Variants in ERC2 observed in about 807,000 individuals in gnomAD.
The protein encoded by ERC2 is ELKS/RAB6-interacting/CAST family member 2.
ERC2 carries 42 observed loss-of-function variants against 114.8 expected under a neutral mutation model. The observed-to-expected ratio is 0.37, with a 90% confidence interval of 0.29 to 0.47. The LOEUF (loss-of-function observed/expected upper bound fraction) is 0.47, where lower values mean the gene tolerates loss of function less well. ERC2 is among the 20% of genes least tolerant of loss of function. The pLI, the probability that ERC2 is intolerant of heterozygous loss-of-function variation, is 0.99. For missense variants in ERC2, 939 were observed against 1,150.7 expected (o/e 0.82, Z 2.66); for synonymous variants, 454 against 425.5 (o/e 1.07, Z -0.82).
intron 16 of ERC2, among the ~76,000 whole-genome samples, chr3:55,687,227 G>A (rs1031975733): frequency 2.6e-5 from 4 of 152,060 alleles, no homozygotes; most frequent in African/African-American, 9.7e-5. Flanking sequence ...TTGTTGTTGT[G>A]GGGGGGCATT....
chr3:55,574,079 T>C (rs1156611652), intron 17 of ERC2, among the ~76,000 whole-genome samples: 2 of 152,212 alleles, frequency 1.3e-5, no homozygotes, highest in African/African-American at 4.8e-5. Flanking sequence ...TAGAAGCTAC[T>C]TGGTGTCAAG....
chr3:56,159,020 G>A (rs757603881), intron 4 of ERC2, among the ~76,000 whole-genome samples: 4 of 152,256 alleles, frequency 2.6e-5, no homozygotes, highest in South Asian at 2.1e-4. Flanking sequence ...AGCACCATAT[G>A]CTGGATGCTG....
At chr3:56,444,644 C>T (rs1325716442) in intron 1 of ERC2, among the ~76,000 whole-genome samples, 1 of 152,178 alleles carries the variant, frequency 6.6e-6, no homozygotes, top group African/African-American at 2.4e-5. Context: ...AACCTTGATT[C>T]CTGTCTAACT....
At chr3:56,459,506 A>G (rs112951090) in intron 1 of ERC2, among the ~76,000 whole-genome samples, 2,752 of 147,182 alleles carry the variant, frequency 0.019, 38 homozygotes, top group South Asian at 0.042. Context: ...AAGACAGGAA[A>G]AGAGAGCTAA....
chr3:55,528,086 G>GAAGCAA (rs1163555410), intron 17 of ERC2, among the ~76,000 whole-genome samples: 1 of 152,278 alleles, frequency 6.6e-6, no homozygotes, highest in East Asian at 1.9e-4. Flanking sequence ...TAAAAAGGAT[G>GAAGCAA]AAGCAAAATA....
chr3:55,876,889 C>T (rs1224394060), intron 14 of ERC2, among the ~76,000 whole-genome samples: 1 of 152,166 alleles, frequency 6.6e-6, no homozygotes, highest in East Asian at 1.9e-4. Flanking sequence ...GCCAAGAAAG[C>T]AAGCTAGAAT....
chr3:56,406,850 G>A (rs1445752530), intron 2 of ERC2, among the ~76,000 whole-genome samples: 1 of 152,208 alleles, frequency 6.6e-6, no homozygotes, highest in Non-Finnish European at 1.5e-5. Flanking sequence ...AAGTCAGAAA[G>A]TTGCAGAGGA....
chr3:55,842,297 C>G (rs2061168457), intron 14 of ERC2, among the ~76,000 whole-genome samples: 1 of 152,124 alleles, frequency 6.6e-6, no homozygotes, highest in Non-Finnish European at 1.5e-5. Flanking sequence ...CCCTTTTAGA[C>G]AACCATGAGT....
chr3:55,779,419 T>G (rs577041144), intron 14 of ERC2, among the ~76,000 whole-genome samples: 3 of 151,376 alleles, frequency 2.0e-5, no homozygotes, highest in African/African-American at 7.3e-5. Context: ...GAGAATCACT[T>G]AAATCCAGGA....
chr3:56,169,942 G>T (rs909203754), intron 4 of ERC2, among the ~76,000 whole-genome samples: 2 of 151,832 alleles, frequency 1.3e-5, no homozygotes, highest in Non-Finnish European at 1.5e-5. Flanking sequence ...ATTAAAGAAA[G>T]AAAAAAGAGA....
At chr3:56,116,279 G>C (rs1298400746) in intron 6 of ERC2, among the ~76,000 whole-genome samples, 1 of 152,170 alleles carries the variant, frequency 6.6e-6, no homozygotes, top group Non-Finnish European at 1.5e-5. Flanking sequence ...TAGCCCAGAA[G>C]CTTGGCTTTA....
intron 3 of ERC2, among the ~76,000 whole-genome samples, chr3:56,289,586 G>C (rs943403728): frequency 2.0e-5 from 3 of 152,162 alleles, no homozygotes; most frequent in African/African-American, 7.2e-5. Flanking sequence ...CAGAGTTTCA[G>C]CTGCTCCAAA....
intron 3 of ERC2, among the ~76,000 whole-genome samples, chr3:56,226,265 T>A (rs1437868968): frequency 6.6e-6 from 1 of 152,186 alleles, no homozygotes; most frequent in East Asian, 1.9e-4. Context: ...TTCTGTTTGA[T>A]TGTTTTTAAT....
chr3:56,117,540 A>C (rs2079306963), intron 6 of ERC2, among the ~76,000 whole-genome samples: 1 of 152,154 alleles, frequency 6.6e-6, no homozygotes, highest in African/African-American at 2.4e-5. Flanking sequence ...CATTGTATCC[A>C]TTTCACCCCT....
chr3:55,551,887 T>A (rs574902234), intron 17 of ERC2, among the ~76,000 whole-genome samples: 8 of 152,350 alleles, frequency 5.3e-5, no homozygotes, highest in Admixed American at 1.3e-4. Context: ...AACTTCTGTA[T>A]ACCCATCACT....
intron 3 of ERC2, among the ~76,000 whole-genome samples, chr3:56,244,500 G>A (rs915798169): frequency 4.6e-5 from 7 of 152,006 alleles, no homozygotes; most frequent in Admixed American, 6.5e-5. Flanking sequence ...GCGTGTTACT[G>A]CCCCTGAAGA....
intron 14 of ERC2, among the ~76,000 whole-genome samples, chr3:55,821,057 C>T (rs1030585162): frequency 5.3e-5 from 8 of 151,772 alleles, no homozygotes; most frequent in Non-Finnish European, 2.9e-5. Context: ...GGTGCTAGAG[C>T]GTGTGAAGAA....
chr3:55,591,684 C>T (rs1031819080), intron 17 of ERC2, among the ~76,000 whole-genome samples: 3 of 152,040 alleles, frequency 2.0e-5, no homozygotes, highest in African/African-American at 7.2e-5. Context: ...AAGCACAAGT[C>T]TTGAGTGGGT....
intron 2 of ERC2, among the ~76,000 whole-genome samples, chr3:56,378,572 A>T (rs1420116799): frequency 7.0e-5 from 4 of 57,148 alleles, no homozygotes; most frequent in Non-Finnish European, 1.2e-4. Flanking sequence ...AAAGTATAAT[A>T]AAAAAAAAAA....
Sources: gnomAD v4.1 joint callset for allele counts (sites outside exome capture counted in the v4.1 genomes callset) on GRCh38, gnomAD v4.1.1 for gene constraint, MANE v1.5 for transcripts, NCBI Gene and HGNC (gene_info 2026-07-23, HGNC 2026-07-21) for gene names.